Variants in PLCB4 observed in about 807,000 individuals in gnomAD.
PLCB4 encodes the protein 1-phosphatidylinositol 4,5-bisphosphate phosphodiesterase beta-4.
In PLCB4, 77 loss-of-function variants were observed where a neutral mutation model predicts 178.8. The observed-to-expected ratio is 0.43, with a 90% CI of 0.36 to 0.52. The LOEUF is 0.52. Ranked by LOEUF, PLCB4 falls within the 20% of genes least tolerant of loss-of-function variation. PLCB4 has a pLI of 0.00. For missense variants in PLCB4, 1,024 were observed against 1,453.4 expected (o/e 0.70, Z 4.80); for synonymous variants, 496 against 490.8 (o/e 1.01, Z -0.14).
intron 2 of PLCB4, among the ~76,000 whole-genome samples, chr20:9,148,457 A>T (rs1028776116): frequency 2.0e-5 from 3 of 152,150 alleles, no homozygotes; most frequent in East Asian, 1.9e-4. Flanking sequence ...GCATTGAGTG[A>T]TTACTGAAAT....
chr20:9,311,449 T>C lies in PLCB4; in HGVS notation c.84+3551T>C, dbSNP rs112890709. ...CTTTAAGATTAAAAATCGGAGATCA[T>C]GCTGAATAAGTTTCATTAGCCAGCC... On this transcript the variant is annotated intron_variant, in intron 4 of 39. Coordinates refer to ENST00000378473, the MANE Select transcript of PLCB4 (RefSeq NM_001377142.1). Among the ~76,000 whole-genome samples, 437 of 152,338 alleles carry C rather than the reference T, an allele frequency of 2.9e-3. 5 individuals are homozygous for C. The highest frequency in any genetic ancestry group is 9.5e-3 in the African/African-American group (393 of 41,582).
At chr20:9,162,364 G>A (rs2092902567) in intron 2 of PLCB4, among the ~76,000 whole-genome samples, 1 of 152,108 alleles carries the variant, frequency 6.6e-6, no homozygotes, top group Non-Finnish European at 1.5e-5. Context: ...TATGTTTTGG[G>A]TATTGGGCAA....
intron 3 of PLCB4, among the ~76,000 whole-genome samples, chr20:9,274,923 A>G (rs1173895504): frequency 6.6e-6 from 1 of 152,134 alleles, no homozygotes; most frequent in African/African-American, 2.4e-5. Flanking sequence ...ATTGTCATTC[A>G]AGTGTAAGAA....
intron 38 of PLCB4, among the ~76,000 whole-genome samples, chr20:9,474,870 A>G (rs900944141): frequency 6.6e-6 from 1 of 152,168 alleles, no homozygotes; most frequent in Non-Finnish European, 1.5e-5. Context: ...CTCCAAGGGG[A>G]CAATACATGG....
rs140845436 is a variant in PLCB4 at position 9,182,748 on chromosome 20, C to T, written c.-78-34642C>T. 4.5e-3 allele frequency among the ~76,000 whole-genome samples: 684 copies of T among 152,316 alleles called. 7 individuals carry two copies. Among genetic ancestry groups the T allele is most frequent in the African/African-American group, 0.016 (655 of 41,568 alleles). On this transcript the variant is annotated intron_variant, in intron 2 of 39. Coordinates refer to ENST00000378473, the MANE Select transcript of PLCB4 (RefSeq NM_001377142.1). ...GTCACCCAGTGCTGAAACCTTGGCC[C>T]TCTGCCGACAGGCTAAGGGGCTTCC...
chr20:9,137,390 C>T (rs2092404917), intron 2 of PLCB4, among the ~76,000 whole-genome samples: 1 of 152,072 alleles, frequency 6.6e-6, no homozygotes, highest in Non-Finnish European at 1.5e-5. Flanking sequence ...GGATACTCAG[C>T]ATGTAGGATC....
rs1321987605 is a variant in PLCB4 at position 9,384,321 on chromosome 20, G to A, written c.974G>A (p.Ser325Asn). 9 of 1,614,028 alleles carry A rather than the reference G, an allele frequency of 5.6e-6. No individual in the cohort carries two copies. In the Admixed American group the frequency reaches 6.7e-5, roughly 12 times the overall value. Residue 325 changes from serine to asparagine, a missense_variant, in exon 14 of 40, where the codon AGT becomes AAT. Coordinates refer to ENST00000378473, the MANE Select transcript of PLCB4 (RefSeq NM_001377142.1). ...MDHPLAHYFI[S>N]SSHNTYLTGR... Reference sequence around the variant, plus strand: ...CATCCTCTGGCTCACTACTTCATCAGTTCTTCCCATAACACTTATCTCACT... The same window carrying A: ...CATCCTCTGGCTCACTACTTCATCAATTCTTCCCATAACACTTATCTCACT...
intron 2 of PLCB4, among the ~76,000 whole-genome samples, chr20:9,199,547 G>C (rs1032211061): frequency 2.0e-5 from 3 of 152,112 alleles, no homozygotes; most frequent in Non-Finnish European, 2.9e-5. Flanking sequence ...TCAGATGGTG[G>C]GGACACTGAA....
intron 3 of PLCB4, among the ~76,000 whole-genome samples, chr20:9,233,331 T>C (rs575138595): frequency 1.3e-5 from 2 of 152,270 alleles, no homozygotes; most frequent in South Asian, 4.1e-4. Flanking sequence ...ATTGAGTGTC[T>C]ACCATGCACC....
intron 7 of PLCB4, among the ~76,000 whole-genome samples, chr20:9,342,748 T>C (rs1057254212): frequency 5.3e-5 from 8 of 151,862 alleles, no homozygotes; most frequent in African/African-American, 1.9e-4. Flanking sequence ...AGGACACTCA[T>C]TGGGCAGAGT....
chr20:9,335,343 A>G (rs1193287637), intron 4 of PLCB4, among the ~76,000 whole-genome samples: 2 of 152,110 alleles, frequency 1.3e-5, no homozygotes, highest in African/African-American at 4.8e-5. Flanking sequence ...ACCCCCTGTC[A>G]TTCTCTTGAA....
chr20:9,404,312 G>A (rs2039270580), intron 20 of PLCB4, among the ~76,000 whole-genome samples: 1 of 152,166 alleles, frequency 6.6e-6, no homozygotes, highest in African/African-American at 2.4e-5. Flanking sequence ...TTTGGTGATA[G>A]GAAGAGGGGA....
intron 13 of PLCB4, among the ~76,000 whole-genome samples, chr20:9,381,714 C>T (rs550699127): frequency 6.6e-6 from 1 of 152,282 alleles, no homozygotes; most frequent in East Asian, 1.9e-4. Context: ...CAAAGCCATT[C>T]TTATAAACTT....
At chr20:9,133,547 G>T (rs908227475) in intron 2 of PLCB4, among the ~76,000 whole-genome samples, 3 of 152,154 alleles carry the variant, frequency 2.0e-5, no homozygotes, top group Non-Finnish European at 4.4e-5. Context: ...GATTACAGGT[G>T]TGAGCCACCA....
rs114754060 is a variant in PLCB4, at chr20:9,420,108, T to G, written c.2154+199T>G. 6.6e-3 allele frequency among the ~76,000 whole-genome samples: 1,005 copies of G among 152,104 alleles called. 9 individuals are homozygous for G. The highest frequency in any genetic ancestry group is 0.023 in the African/African-American group (955 of 41,500). On this transcript the variant is annotated intron_variant, in intron 26 of 39. Coordinates refer to ENST00000378473, the MANE Select transcript of PLCB4 (RefSeq NM_001377142.1). ...TAGCTACTTAAAGTGAAAGATACCA[T>G]CAAAAAAGTACCTGCTACTTGATTC...
At chr20:9,266,365 A>G (rs1478477217) in intron 3 of PLCB4, among the ~76,000 whole-genome samples, 1 of 152,222 alleles carries the variant, frequency 6.6e-6, no homozygotes, top group Non-Finnish European at 1.5e-5. Flanking sequence ...TTCTAGATAA[A>G]GATGTTAAGA....
chr20:9,432,119 G>A (rs1216525655), intron 28 of PLCB4, among the ~76,000 whole-genome samples: 2 of 152,094 alleles, frequency 1.3e-5, no homozygotes, highest in Non-Finnish European at 2.9e-5. Flanking sequence ...TCAGAACTAT[G>A]CCGATATAAT....
At chr20:9,208,125 A>G (rs1055559694) in intron 2 of PLCB4, among the ~76,000 whole-genome samples, 9 of 152,322 alleles carry the variant, frequency 5.9e-5, no homozygotes, top group African/African-American at 2.2e-4. Context: ...CCCCTATTTT[A>G]TACTGTGGAA....
chr20:9,404,784 G>A (rs2039311520), intron 20 of PLCB4, among the ~76,000 whole-genome samples: 1 of 152,130 alleles, frequency 6.6e-6, no homozygotes, highest in East Asian at 1.9e-4. Context: ...CCTAATGTGG[G>A]GGGCCTTCTT....
Sources: allele counts gnomAD v4.1 joint callset (sites outside exome capture counted in the v4.1 genomes callset), GRCh38; gene constraint gnomAD v4.1.1; transcripts MANE v1.5; gene names NCBI Gene and HGNC (gene_info 2026-07-23, HGNC 2026-07-21).